Variants in TBC1D25 observed in about 807,000 individuals in gnomAD.
The protein encoded by TBC1D25 is 5SN3 snoRNA.
A neutral mutation model predicts 38.8 loss-of-function variants in TBC1D25; 13 were observed. The ratio of observed to expected loss-of-function variants is 0.34; its 90% CI spans 0.22 to 0.53. The LOEUF is 0.53. TBC1D25 is among the 20% of genes least tolerant of loss of function. The pLI is 0.94. For missense variants in TBC1D25, 372 were observed against 600.0 expected (o/e 0.62, Z 3.97); for synonymous variants, 225 against 255.6 (o/e 0.88, Z 1.14).
intron 5 of TBC1D25, 73 bp from the exon 6 acceptor site, chrX:48,559,541 G>A: frequency 8.7e-7 from 1 of 1,155,905 alleles, no homozygotes; most frequent in South Asian, 2.0e-5. Flanking sequence ...GGGGTGGGTG[G>A]GTGGCAACTG....
At chrX:48,545,245 A>G (rs1556981329) in intron 3 of TBC1D25, among the ~76,000 whole-genome samples, 1 of 112,048 alleles carries the variant, frequency 8.9e-6, no homozygotes, top group Non-Finnish European at 1.9e-5. Flanking sequence ...TGTGAGGGGA[A>G]ATTCATATAA....
intron 2 of TBC1D25, among the ~76,000 whole-genome samples, chrX:48,543,364 G>C (rs1209160654): frequency 4.6e-5 from 5 of 108,626 alleles, no homozygotes; most frequent in African/African-American, 1.7e-4. Context: ...GGCCTCCTGA[G>C]TAGCTGGTAC....
intron 1 of TBC1D25, 43 bp downstream of exon 1, chrX:48,539,963 G>A (rs1438835929): frequency 1.1e-6 from 1 of 946,303 alleles, no homozygotes; most frequent in South Asian, 5.4e-5. Flanking sequence ...AGGCATCCCA[G>A]GGGAGGGGGA....
At chrX:48,553,378 G>A (rs1388168429) in intron 3 of TBC1D25, among the ~76,000 whole-genome samples, 1 of 108,807 alleles carries the variant, frequency 9.2e-6, no homozygotes, top group Non-Finnish European at 1.9e-5. Flanking sequence ...AAAGTGCATG[G>A]GTTAGATGTA....
rs781804959 is a variant in TBC1D25, at chrX:48,544,996, C to T, written c.361C>T (p.Arg121Cys). 4.1e-6 allele frequency: 5 copies of T among 1,211,753 alleles called. No individual in the cohort carries two copies. Among genetic ancestry groups the T allele is most frequent in the South Asian group, 1.8e-5 (1 of 57,027 alleles). Residue 121 changes from arginine (R) to cysteine (C), a missense_variant, in exon 3 of 6, where the codon CGT becomes TGT. Coordinates refer to ENST00000376771, the MANE Select transcript of TBC1D25 (RefSeq NM_002536.4). ...ATASKPYLQL[R>C]VDIRPSEDSP... ...TGCCTCCAAACCTTACCTGCAATTG[C>T]GTGTAGATATTCGGCCCTCGGAGGA... is the stretch of plus-strand genomic sequence containing the variant.
intron 2 of TBC1D25, among the ~76,000 whole-genome samples, chrX:48,543,812 A>G (rs1387894309): frequency 9.7e-6 from 1 of 102,986 alleles, no homozygotes; most frequent in Non-Finnish European, 2.0e-5. Flanking sequence ...TGGGCCCGGG[A>G]GGCGGAGCTT....
At chrX:48,547,691 C>A (rs1365119060) in intron 3 of TBC1D25, among the ~76,000 whole-genome samples, 2 of 111,868 alleles carry the variant, frequency 1.8e-5, no homozygotes, top group African/African-American at 3.2e-5. Flanking sequence ...AATCCCAGCA[C>A]TTTGGGAGGC....
chrX:48,548,793 G>A (rs192329384), intron 3 of TBC1D25, among the ~76,000 whole-genome samples: 32 of 111,858 alleles, frequency 2.9e-4, no homozygotes, highest in African/African-American at 7.8e-4. Flanking sequence ...TCATATTTGC[G>A]TGTCTGTACA....
Position 48,559,151 on chromosome X carries a change from C to T in TBC1D25, c.517-7C>T. ...CAGCTGATGGTGGCCTCCCTCCCTC[C>T]TCATAGGTGGGCCGTACCTTGTCTA... On this transcript the variant is annotated splice_region_variant and splice_polypyrimidine_tract_variant and intron_variant, in intron 4 of 5. Transcript: ENST00000376771. 1 of 1,209,545 alleles carries T rather than the reference C, an allele frequency of 8.3e-7. No individual in the cohort carries two copies. Among genetic ancestry groups the T allele is most frequent in the East Asian group, 3.0e-5 (1 of 33,783 alleles).
intron 3 of TBC1D25, among the ~76,000 whole-genome samples, chrX:48,553,875 T>C (rs2061955209): frequency 1.8e-5 from 2 of 109,163 alleles, no homozygotes; most frequent in Admixed American, 9.7e-5. Context: ...CCGCCCGCCT[T>C]GGCCTCCCAA....
intron 2 of TBC1D25, 94 bp from the exon 3 acceptor site, chrX:48,544,775 A>C: frequency 9.3e-7 from 1 of 1,077,598 alleles, no homozygotes. Flanking sequence ...GTTGTTTTCA[A>C]CGCCTTCTAT....
intron 3 of TBC1D25, among the ~76,000 whole-genome samples, chrX:48,551,340 TTTG>T (rs2061930317): frequency 1.8e-5 from 2 of 111,745 alleles, no homozygotes; most frequent in African/African-American, 6.5e-5. Context: ...TGTTTGTTTG[TTTG>T]TTTGTTTTTT....
intron 3 of TBC1D25, among the ~76,000 whole-genome samples, chrX:48,554,301 G>A (rs2061959339): frequency 9.1e-6 from 1 of 110,298 alleles, no homozygotes; most frequent in African/African-American, 3.3e-5. Flanking sequence ...TGTAATCCCA[G>A]CACTTTGGGA....
chrX:48,542,165 ATTT>A (rs1389559717), intron 2 of TBC1D25, among the ~76,000 whole-genome samples: 1 of 75,507 alleles, frequency 1.3e-5, no homozygotes, highest in African/African-American at 5.1e-5. Flanking sequence ...TGCCCGGATA[ATTT>A]TTTTTTTTTT....
rs782509493 is a variant in TBC1D25 at position 48,548,113 on chromosome X, T to G, written c.388+3090T>G. Among the ~76,000 whole-genome samples the G allele has an allele frequency of 6.7e-4, 70 of 103,802 alleles. No individual in the cohort carries two copies. The East Asian group carries it at 7.6e-3, about 11-fold the overall frequency. 90.1% of individuals were successfully genotyped at this position (103,802 alleles called of 115,157 possible). On this transcript the variant is annotated intron_variant, in intron 3 of 5. Coordinates refer to ENST00000376771, the MANE Select transcript of TBC1D25 (RefSeq NM_002536.4). ...CTGTTTGTTTGTTTGGTTTTGAGGGTTTTTTTTTTGTTTTTTTTTTGAGAC... is the reference window on the plus strand; with the variant it reads ...CTGTTTGTTTGTTTGGTTTTGAGGGGTTTTTTTTTGTTTTTTTTTTGAGAC...
chrX:48,552,263 T>G (rs782527003), intron 3 of TBC1D25, among the ~76,000 whole-genome samples: 2 of 110,825 alleles, frequency 1.8e-5, no homozygotes, highest in Non-Finnish European at 3.8e-5. Flanking sequence ...CTCAGCTCGC[T>G]GCAACCTCTG....
chrX:48,553,051 A>G (rs2061947833), intron 3 of TBC1D25, among the ~76,000 whole-genome samples: 1 of 110,127 alleles, frequency 9.1e-6, no homozygotes, highest in Non-Finnish European at 1.9e-5. Context: ...CGGCTTCCCA[A>G]AGTGCTGGGA....
chrX:48,541,142 G>T, intron 1 of TBC1D25, 191 bp from the exon 2 acceptor site: 1 of 449,888 alleles, frequency 2.2e-6, no homozygotes. Context: ...CATAGTTGAA[G>T]GGATATAGAA....
chrX:48,555,304 G>C (rs1556984241), intron 3 of TBC1D25, among the ~76,000 whole-genome samples: 1 of 111,702 alleles, frequency 9.0e-6, no homozygotes. Context: ...GGGAAAAGCA[G>C]TGACATGCAA....
Sources: gnomAD v4.1 joint callset for allele counts (sites outside exome capture counted in the v4.1 genomes callset) on GRCh38, gnomAD v4.1.1 for gene constraint, MANE v1.5 for transcripts, NCBI Gene and HGNC (gene_info 2026-07-23, HGNC 2026-07-21) for gene names.